The following MSRA variants were observed in gnomAD, a reference collection of about 807,000 sequenced individuals.
The protein encoded by MSRA is methionine sulfoxide reductase A.
In MSRA, 54 loss-of-function variants were observed where a neutral mutation model predicts 31.3. The ratio of observed to expected loss-of-function variants is 1.73; its 90% CI spans 1.39 to 2.17. The LOEUF (loss-of-function observed/expected upper bound fraction) is 2.17. MSRA is among the 30% of genes most tolerant of loss of function. MSRA has a pLI of 0.00. For missense variants in MSRA, 507 were observed against 300.9 expected, an observed-to-expected ratio of 1.69 and a Z score of -5.07; for synonymous variants, 169 against 116.5, an observed-to-expected ratio of 1.45 and a Z score of -2.90.
intron 5 of MSRA, among the ~76,000 whole-genome samples, chr8:10,354,225 A>G (rs1238244172): frequency 6.6e-6 from 1 of 152,236 alleles, no homozygotes; most frequent in Non-Finnish European, 1.5e-5. Context: ...CAGTATGTAG[A>G]CAAGTTAGCT....
chr8:10,079,344 A>G (rs899340729), intron 1 of MSRA, among the ~76,000 whole-genome samples: 5 of 152,016 alleles, frequency 3.3e-5, no homozygotes, highest in Admixed American at 2.6e-4. Context: ...TTGTAGAGAC[A>G]GGGTTTCGCC....
chr8:10,142,782 C>T (rs1182651600), intron 1 of MSRA, among the ~76,000 whole-genome samples: 7 of 152,170 alleles, frequency 4.6e-5, no homozygotes, highest in South Asian at 2.1e-4. Context: ...AAGTCAGTTG[C>T]GATAATAGCC....
At chr8:10,151,830 T>C (rs1434080862) in intron 1 of MSRA, among the ~76,000 whole-genome samples, 2 of 152,180 alleles carry the variant, frequency 1.3e-5, no homozygotes, top group African/African-American at 2.4e-5. Context: ...TGTCACTTGA[T>C]GAGAAGGCCA....
intron 5 of MSRA, among the ~76,000 whole-genome samples, chr8:10,416,602 A>G (rs980599189): frequency 1.3e-5 from 2 of 152,224 alleles, no homozygotes; most frequent in Non-Finnish European, 2.9e-5. Context: ...TTTCACTCAC[A>G]GCTTACTGGC....
At chr8:10,154,399 A>G (rs1777171929) in intron 1 of MSRA, among the ~76,000 whole-genome samples, 1 of 151,006 alleles carries the variant, frequency 6.6e-6, no homozygotes, top group Non-Finnish European at 1.5e-5. Flanking sequence ...TTTTTTTGAG[A>G]CTGAGTCTTG....
intron 1 of MSRA, among the ~76,000 whole-genome samples, chr8:10,059,524 T>A (rs1197830218): frequency 6.6e-6 from 1 of 152,196 alleles, no homozygotes; most frequent in African/African-American, 2.4e-5. Flanking sequence ...AATGAAACAG[T>A]ATGAGAACAG....
intron 5 of MSRA, among the ~76,000 whole-genome samples, chr8:10,328,560 C>G (rs1318876025): frequency 2.0e-5 from 3 of 152,046 alleles, no homozygotes; most frequent in African/African-American, 7.2e-5. Flanking sequence ...CGGGTCATTT[C>G]CCTTCCCTGT....
At chr8:10,079,305 A>G (rs75722450) in intron 1 of MSRA, among the ~76,000 whole-genome samples, 2 of 152,008 alleles carry the variant, frequency 1.3e-5, no homozygotes, top group Non-Finnish European at 2.9e-5. Flanking sequence ...ACTAACAGGC[A>G]TGTGCCACCA....
intron 5 of MSRA, among the ~76,000 whole-genome samples, chr8:10,361,063 G>T (rs1464054908): frequency 2.0e-5 from 3 of 152,214 alleles, no homozygotes; most frequent in African/African-American, 7.2e-5. Flanking sequence ...CAACTCCTTG[G>T]TGGCCCGTTT....
chr8:10,288,165 T>C (rs867127452), intron 3 of MSRA, among the ~76,000 whole-genome samples: 2 of 152,242 alleles, frequency 1.3e-5, no homozygotes, highest in African/African-American at 4.8e-5. Flanking sequence ...ATCAGACTAC[T>C]GTTTTTCAGG....
chr8:10,198,980 C>T lies in MSRA; in HGVS notation c.143-8853C>T, dbSNP rs541864807. ...GCTCGGCATTGTTTTCGCAAGTTTG[C>T]CATTTGCACGAATCAAAGCTAGTCT... On this transcript the variant is annotated intron_variant, in intron 1 of 5. Transcript: ENST00000317173. 4.6e-5 allele frequency among the ~76,000 whole-genome samples: 7 copies of T among 152,294 alleles called. No individual in the cohort carries two copies. In the South Asian group the frequency reaches 6.2e-4, roughly 14 times the overall value.
In MSRA at chr8:10,207,530, G is replaced by A. The variant is rs76359520; in HGVS notation, c.143-303G>A. On this transcript the variant is annotated intron_variant, in intron 1 of 5. Coordinates refer to ENST00000317173, the MANE Select transcript of MSRA (RefSeq NM_012331.5). ...TTTAGAGATGGTGTGGCAGAAGAGGGACTCTGGCTGGGTGTCGGGAGCCTT... is the reference window on the plus strand; with the variant it reads ...TTTAGAGATGGTGTGGCAGAAGAGGAACTCTGGCTGGGTGTCGGGAGCCTT... Among the ~76,000 whole-genome samples the A allele has an allele frequency of 6.2e-3, 950 of 152,290 alleles. 9 individuals are homozygous for A. The highest frequency in any genetic ancestry group is 0.022 in the African/African-American group (914 of 41,552).
intron 1 of MSRA, among the ~76,000 whole-genome samples, chr8:10,180,303 G>T (rs912534384): frequency 5.3e-5 from 8 of 152,222 alleles, no homozygotes; most frequent in African/African-American, 1.9e-4. Flanking sequence ...AGGTGCATAG[G>T]TCAGGTATGT....
chr8:10,397,818 A>G (rs1472750820), intron 5 of MSRA, among the ~76,000 whole-genome samples: 3 of 152,192 alleles, frequency 2.0e-5, no homozygotes, highest in African/African-American at 7.2e-5. Context: ...TCATAGTCTC[A>G]TAGTCTTTAG....
chr8:10,082,281 C>T (rs1056484109), intron 1 of MSRA, among the ~76,000 whole-genome samples: 4 of 152,080 alleles, frequency 2.6e-5, no homozygotes, highest in Non-Finnish European at 4.4e-5. Flanking sequence ...TGAGAATGTC[C>T]TAGACTTTCC....
chr8:10,093,836 T>A lies in MSRA; in HGVS notation c.142+39178T>A, dbSNP rs551440746. On this transcript the variant is annotated intron_variant, in intron 1 of 5. Transcript: ENST00000317173. ...TAATGAACTCTGTTTTTATTTGGAA[T>A]GTCTTAATGTCTCCTTCATTTTCAA... is the stretch of plus-strand genomic sequence containing the variant. Among the ~76,000 whole-genome samples the A allele has an allele frequency of 1.6e-3, 237 of 152,358 alleles. 1 individual carries two copies. Among genetic ancestry groups the A allele is most frequent in the African/African-American group, 5.3e-3 (219 of 41,594 alleles).
chr8:10,138,408 G>A (rs1802452439), intron 1 of MSRA, among the ~76,000 whole-genome samples: 1 of 152,192 alleles, frequency 6.6e-6, no homozygotes, highest in South Asian at 2.1e-4. Context: ...GCAGAATCTT[G>A]CTGCAACTTC....
intron 5 of MSRA, among the ~76,000 whole-genome samples, chr8:10,341,473 C>T (rs1803422951): frequency 6.6e-6 from 1 of 152,210 alleles, no homozygotes; most frequent in Admixed American, 6.5e-5. Flanking sequence ...ATGATCCAAA[C>T]ACCTTCCACT....
At chr8:10,273,863 A>C (rs1349116771) in intron 3 of MSRA, among the ~76,000 whole-genome samples, 1 of 152,156 alleles carries the variant, frequency 6.6e-6, no homozygotes, top group East Asian at 1.9e-4. Flanking sequence ...TCCTCGAGCC[A>C]ACAGTGGGAT....
Sources: allele counts gnomAD v4.1 joint callset (sites outside exome capture counted in the v4.1 genomes callset), GRCh38; gene constraint gnomAD v4.1.1; transcripts MANE v1.5; gene names NCBI Gene and HGNC (gene_info 2026-07-23, HGNC 2026-07-21).